ARAP2: variants seen among roughly 807,000 people sequenced by gnomAD.
The protein encoded by ARAP2 is ArfGAP with RhoGAP domain, ankyrin repeat and PH domain 2, also known as arf-GAP with Rho-GAP domain, ANK repeat and PH domain-containing protein 2.
In ARAP2, 148 loss-of-function variants were observed where a neutral mutation model predicts 194.5. That is an observed-to-expected ratio of 0.76 (90% CI 0.67 to 0.87). The LOEUF is 0.87. Among genes scored for constraint, ARAP2 ranks in the 40% least tolerant of loss-of-function variants. ARAP2 has a pLI of 0.00. For missense variants in ARAP2, 2,128 were observed against 1,989.7 expected, an observed-to-expected ratio of 1.07 and a Z score of -1.32; for synonymous variants, 695 against 683.5, an observed-to-expected ratio of 1.02 and a Z score of -0.26.
At chr4:36,030,917 G>A (rs1364978620) in intron 5 of ARAP2, among the ~76,000 whole-genome samples, 1 of 151,530 alleles carries the variant, frequency 6.6e-6, no homozygotes, top group Non-Finnish European at 1.5e-5. Flanking sequence ...GGATCACAAG[G>A]TCAAAAGATC....
chr4:36,195,006 GAA>G (rs369737944), intron 6 of ARAP2, among the ~76,000 whole-genome samples: 1 of 145,324 alleles, frequency 6.9e-6, no homozygotes, highest in Admixed American at 6.9e-5. Context: ...AAACATACAG[GAA>G]AAAAAAAAAT....
In ARAP2 at chr4:36,220,200, A is replaced by T. The variant is rs563784483; in HGVS notation, c.906-5720T>A. On this transcript the variant is annotated intron_variant, in intron 2 of 32. Transcript: ENST00000303965. Reference sequence around the variant, plus strand: ...ACTGAGCATTTACAATATGCCAGATAGGTCTCAGATTTTTACATATAGGCA... The same window carrying T: ...ACTGAGCATTTACAATATGCCAGATTGGTCTCAGATTTTTACATATAGGCA... Among the ~76,000 whole-genome samples the T allele has an allele frequency of 1.3e-5, 2 of 152,226 alleles. 1 individual carries two copies. Among genetic ancestry groups the T allele is most frequent in the South Asian group, 4.1e-4 (2 of 4,826 alleles).
At chr4:36,201,429 A>G (rs1744339317) in intron 6 of ARAP2, among the ~76,000 whole-genome samples, 1 of 152,348 alleles carries the variant, frequency 6.6e-6, no homozygotes, top group Admixed American at 6.5e-5. Context: ...GAATTCCTTC[A>G]GGAAAAAAGG....
intron 22 of ARAP2, among the ~76,000 whole-genome samples, chr4:36,123,048 C>T (rs917136812): frequency 6.6e-6 from 1 of 151,780 alleles, no homozygotes; most frequent in Non-Finnish European, 1.5e-5. Flanking sequence ...CAAGTGCAAT[C>T]ATCACACGTG....
Position 36,165,018 on chromosome 4 carries a change from T to G in ARAP2, c.2069A>C (p.Lys690Thr). The G allele has an allele frequency of 1.9e-6, 3 of 1,614,094 alleles. No homozygotes were observed. Among genetic ancestry groups the G allele is most frequent in the Non-Finnish European group, 2.5e-6 (3 of 1,179,938 alleles). The change falls in exon 11 of 33, where the codon AAG becomes ACG. Residue 690 changes from lysine (K) to threonine (T), a missense_variant. Physicochemically the swap from Lys to Thr is moderately conservative, Grantham distance 78. Coordinates refer to ENST00000303965, the MANE Select transcript of ARAP2 (RefSeq NM_015230.4). Reference sequence around the variant, plus strand: ...CCTGTTGGATTCATTGAACCAAATCTTCTCAGCTACTTCATAATCAGAGAG... The same window carrying G: ...CCTGTTGGATTCATTGAACCAAATCGTCTCAGCTACTTCATAATCAGAGAG... Reference protein sequence around the residue: ...ETLSDYEVAEKIWFNESNRSC... With the variant: ...ETLSDYEVAETIWFNESNRSC...
intron 19 of ARAP2, among the ~76,000 whole-genome samples, chr4:36,134,970 C>T (rs35342722): frequency 3.2e-4 from 48 of 151,636 alleles, no homozygotes; most frequent in African/African-American, 1.1e-3. Flanking sequence ...GTTTTAGCCA[C>T]GAAACTCCAA....
intron 3 of ARAP2, among the ~76,000 whole-genome samples, chr4:36,048,319 T>C (rs947089712): frequency 2.2e-4 from 34 of 152,192 alleles, no homozygotes; most frequent in Middle Eastern, 3.2e-3. Flanking sequence ...GTTTAGGTTA[T>C]GAATTATCAT....
chr4:36,105,686 T>C (rs1222065884), intron 27 of ARAP2, among the ~76,000 whole-genome samples: 1 of 151,982 alleles, frequency 6.6e-6, no homozygotes, highest in Non-Finnish European at 1.5e-5. Flanking sequence ...ATCTACACCT[T>C]GTTGGGTTGT....
intron 26 of ARAP2, among the ~76,000 whole-genome samples, chr4:36,113,738 A>C (rs1030152624): frequency 3.9e-5 from 6 of 151,986 alleles, no homozygotes; most frequent in African/African-American, 1.4e-4. Flanking sequence ...AGACAACAAA[A>C]TATGTGATTC....
At chr4:36,202,852 G>A (rs998006580) in intron 6 of ARAP2, among the ~76,000 whole-genome samples, 19 of 152,178 alleles carry the variant, frequency 1.2e-4, no homozygotes, top group Non-Finnish European at 1.5e-5. Context: ...GTCGAGGACA[G>A]TAACAATATC....
In ARAP2 at chr4:36,166,926, G is replaced by T; in HGVS notation, c.1973+6C>A. 2 of 1,549,100 alleles carry T rather than the reference G, an allele frequency of 1.3e-6. No homozygotes were observed. The highest frequency in any genetic ancestry group is 1.7e-6 in the Non-Finnish European group (2 of 1,142,998). Reference sequence around the variant, plus strand: ...TACGAACACAAAATGTTTAAAAATAGCTTACCTGAAACTCCTGTAGGGAGT... The same window carrying T: ...TACGAACACAAAATGTTTAAAAATATCTTACCTGAAACTCCTGTAGGGAGT... On this transcript the variant is annotated splice_donor_region_variant and intron_variant, in intron 10 of 32. Transcript: ENST00000303965.
At chr4:36,061,991 A>G (rs948794677), downstream of ARAP2, among the ~76,000 whole-genome samples, 1 of 152,116 alleles carries the variant, frequency 6.6e-6, no homozygotes, top group Non-Finnish European at 1.5e-5. Flanking sequence ...TTTTAATCAA[A>G]TTATTAGATT....
intron 8 of ARAP2, among the ~76,000 whole-genome samples, chr4:36,184,864 C>T (rs1740156904): frequency 6.6e-6 from 1 of 152,170 alleles, no homozygotes; most frequent in Non-Finnish European, 1.5e-5. Context: ...ATGCCATGTG[C>T]TTCAAGAAAC....
chr4:36,090,840 C>T (rs1713422143), intron 28 of ARAP2, among the ~76,000 whole-genome samples: 1 of 152,076 alleles, frequency 6.6e-6, no homozygotes, highest in African/African-American at 2.4e-5. Flanking sequence ...TGTGTAAAAC[C>T]AATCCCCATG....
At chr4:36,232,459 A>C (rs950881483) in intron 1 of ARAP2, among the ~76,000 whole-genome samples, 1 of 152,258 alleles carries the variant, frequency 6.6e-6, no homozygotes, top group African/African-American at 2.4e-5. Flanking sequence ...TGATGTAAAC[A>C]GCAATTATGT....
In ARAP2 at chr4:36,039,079, A is replaced by G. The variant is rs559327938; in HGVS notation, n.607+6900T>C. On this transcript the variant is annotated intron_variant and non_coding_transcript_variant, in intron 5 of 12. Coordinates refer to the ARAP2 transcript ENST00000503225. ...AGGAAAAATCAGGTGAAGGAGTAAA[A>G]GGAGAATTCGGATATTTGTCAAGGG... Among the ~76,000 whole-genome samples the G allele has an allele frequency of 2.1e-4, 32 of 152,308 alleles. 1 individual carries two copies. In the South Asian group the frequency reaches 6.6e-3, roughly 32 times the overall value.
At position 36,067,006 on chromosome 4, in the gene ARAP2, T is replaced by C. The variant is rs1245781506; in HGVS notation, c.*901A>G. 6.6e-6 allele frequency: 1 copy of C among 152,192 alleles called. No homozygotes were observed. The highest frequency in any genetic ancestry group is 2.4e-5 in the African/African-American group (1 of 41,440). The allele number at this position is 152,192 out of a possible 1,614,324, so 9.4% of individuals were successfully genotyped here. A position where few individuals can be genotyped will look rare whatever the true frequency, so the allele number is the denominator to read the frequency against. Reference sequence around the variant, plus strand: ...ACCCTGTGGTGATGAATTTTGTTCGTACCAAAAGTATAGTCAGAAATTCTG... The same window carrying C: ...ACCCTGTGGTGATGAATTTTGTTCGCACCAAAAGTATAGTCAGAAATTCTG... On this transcript the variant is annotated 3_prime_UTR_variant, in exon 33 of 33. Coordinates refer to ENST00000303965, the MANE Select transcript of ARAP2 (RefSeq NM_015230.4).
At chr4:36,008,822 T>C (rs1386714271) in intron 9 of ARAP2, among the ~76,000 whole-genome samples, 1 of 152,056 alleles carries the variant, frequency 6.6e-6, no homozygotes, top group Non-Finnish European at 1.5e-5. Context: ...TTATCCAGAA[T>C]CTATAAGAAA....
chr4:36,231,678 CAATTTT>C (rs2109347914), intron 1 of ARAP2, among the ~76,000 whole-genome samples: 1 of 152,224 alleles, frequency 6.6e-6, no homozygotes, highest in Non-Finnish European at 1.5e-5. Flanking sequence ...AGGAGAAAAA[CAATTTT>C]AATAAAATAC....
Sources: allele counts gnomAD v4.1 joint callset (sites outside exome capture counted in the v4.1 genomes callset), GRCh38; gene constraint gnomAD v4.1.1; transcripts MANE v1.5; gene names NCBI Gene and HGNC (gene_info 2026-07-23, HGNC 2026-07-21).